SGCZ: variants seen among roughly 807,000 people sequenced by gnomAD.
The protein encoded by SGCZ is zeta-sarcoglycan.
In SGCZ, 40 loss-of-function variants were observed where a neutral mutation model predicts 41.3. That is an observed-to-expected ratio of 0.97 (90% CI 0.75 to 1.26). The LOEUF is 1.26. Ranked by LOEUF, SGCZ falls within the 50% of genes most tolerant of loss-of-function variation. SGCZ has a pLI of 0.00. For missense variants in SGCZ, 552 were observed against 369.8 expected, an observed-to-expected ratio of 1.49 and a Z score of -4.04; for synonymous variants, 206 against 137.5, an observed-to-expected ratio of 1.50 and a Z score of -3.49.
intron 1 of SGCZ, among the ~76,000 whole-genome samples, chr8:14,896,078 G>A (rs1054195022): frequency 7.2e-5 from 11 of 152,128 alleles, no homozygotes; most frequent in Non-Finnish European, 7.3e-5. Flanking sequence ...AAAATTACAG[G>A]TCATTAAAAT....
chr8:14,340,919 T>C (rs1288040663), intron 2 of SGCZ, among the ~76,000 whole-genome samples: 1 of 152,138 alleles, frequency 6.6e-6, no homozygotes, highest in Admixed American at 6.5e-5. Context: ...TAAGACATTA[T>C]ACCCATTAAA....
intron 1 of SGCZ, among the ~76,000 whole-genome samples, chr8:14,743,235 T>A (rs916922512): frequency 2.6e-5 from 4 of 152,098 alleles, no homozygotes; most frequent in Non-Finnish European, 5.9e-5. Flanking sequence ...TCATTGATGA[T>A]ATTCTTATTA....
chr8:15,231,610 CTTTTTTTT>C (rs914572473), intron 1 of SGCZ, among the ~76,000 whole-genome samples: 12 of 72,100 alleles, frequency 1.7e-4, no homozygotes, highest in African/African-American at 5.4e-4. Context: ...TTAATATATT[CTTTTTTTT>C]TTTTTTTTTT....
intron 4 of SGCZ, among the ~76,000 whole-genome samples, chr8:14,183,223 A>C (rs1021946576): frequency 2.0e-5 from 3 of 152,082 alleles, no homozygotes; most frequent in Non-Finnish European, 4.4e-5. Context: ...CTTAATCAGA[A>C]ATAGAAAACC....
chr8:14,325,381 G>T (rs1012428844), intron 2 of SGCZ, among the ~76,000 whole-genome samples: 2 of 151,378 alleles, frequency 1.3e-5, no homozygotes, highest in Non-Finnish European at 2.9e-5. Context: ...TTTAAAAACT[G>T]AAATAGTAAA....
At chr8:14,219,023 G>T (rs1401665981) in intron 4 of SGCZ, among the ~76,000 whole-genome samples, 1 of 152,244 alleles carries the variant, frequency 6.6e-6, no homozygotes, top group African/African-American at 2.4e-5. Context: ...AGGTGAAAAA[G>T]CTTGATAAGT....
chr8:14,145,865 G>A (rs547925076), intron 5 of SGCZ, among the ~76,000 whole-genome samples: 26 of 152,178 alleles, frequency 1.7e-4, no homozygotes, highest in African/African-American at 6.3e-4. Flanking sequence ...GGAAGAATTA[G>A]CTCTAAGACA....
chr8:14,299,563 A>C (rs1288666770), intron 3 of SGCZ, among the ~76,000 whole-genome samples: 1 of 151,988 alleles, frequency 6.6e-6, no homozygotes, highest in Non-Finnish European at 1.5e-5. Flanking sequence ...AAGAGTGCTC[A>C]ACATCATTTG....
At chr8:15,075,816 TA>T (rs1805509038) in intron 1 of SGCZ, among the ~76,000 whole-genome samples, 1 of 152,206 alleles carries the variant, frequency 6.6e-6, no homozygotes, top group African/African-American at 2.4e-5. Context: ...CTATGAAGTC[TA>T]ATTTGCTCAA....
intron 1 of SGCZ, among the ~76,000 whole-genome samples, chr8:14,958,326 A>C (rs3848996): frequency 1.1e-4 from 16 of 152,024 alleles, no homozygotes; most frequent in African/African-American, 3.6e-4. Flanking sequence ...AAATTCCCCA[A>C]AAACAGAAAC....
intron 2 of SGCZ, among the ~76,000 whole-genome samples, chr8:14,357,226 G>C (rs1803332474): frequency 6.6e-6 from 1 of 152,106 alleles, no homozygotes; most frequent in Admixed American, 6.5e-5. Context: ...AATCTCATCA[G>C]TGTTTGATCA....
At position 14,632,572 on chromosome 8, in the gene SGCZ, G is replaced by C. The variant is rs565085095; in HGVS notation, c.40-77646C>G. Reference sequence around the variant, plus strand: ...AGATAGCACTAAGAAAAAATAAATTGAAAGAATTCATCTAAAAACAATTCT... The same window carrying C: ...AGATAGCACTAAGAAAAAATAAATTCAAAGAATTCATCTAAAAACAATTCT... On this transcript the variant is annotated intron_variant, in intron 1 of 7. Coordinates refer to ENST00000382080, the MANE Select transcript of SGCZ (RefSeq NM_139167.4). 1.4e-3 allele frequency among the ~76,000 whole-genome samples: 205 copies of C among 151,752 alleles called. 3 individuals are homozygous for C. Among genetic ancestry groups the C allele is most frequent in the Non-Finnish European group, 2.4e-3 (161 of 67,976 alleles).
chr8:14,350,694 C>G (rs1306087920), intron 2 of SGCZ, among the ~76,000 whole-genome samples: 1 of 152,048 alleles, frequency 6.6e-6, no homozygotes, highest in African/African-American at 2.4e-5. Flanking sequence ...CATGACAGTT[C>G]AGCCTCTCCC....
intron 3 of SGCZ, among the ~76,000 whole-genome samples, chr8:14,310,947 G>C (rs751805564): frequency 6.6e-6 from 1 of 152,034 alleles, no homozygotes; most frequent in Non-Finnish European, 1.5e-5. Flanking sequence ...TGTGTACCCC[G>C]TGGAAAATCT....
At chr8:15,166,708 T>A (rs1799676372) in intron 1 of SGCZ, among the ~76,000 whole-genome samples, 1 of 152,242 alleles carries the variant, frequency 6.6e-6, no homozygotes, top group Admixed American at 6.5e-5. Context: ...CCAAACTTAT[T>A]TGTCAATTGT....
At chr8:14,433,148 A>G (rs900498988) in intron 2 of SGCZ, among the ~76,000 whole-genome samples, 2 of 152,200 alleles carry the variant, frequency 1.3e-5, no homozygotes, top group Non-Finnish European at 1.5e-5. Context: ...TTCTTATTAC[A>G]ATTAGTATGC....
chr8:14,490,857 C>T (rs1233905442), intron 2 of SGCZ, among the ~76,000 whole-genome samples: 2 of 152,054 alleles, frequency 1.3e-5, no homozygotes, highest in Non-Finnish European at 2.9e-5. Context: ...ATTCTTGAGA[C>T]AGAAAAGTGG....
At chr8:14,775,909 C>G (rs555272478) in intron 1 of SGCZ, among the ~76,000 whole-genome samples, 1 of 152,138 alleles carries the variant, frequency 6.6e-6, no homozygotes, top group East Asian at 1.9e-4. Context: ...AAAACAGATG[C>G]CTGTGACTGG....
At chr8:15,204,814 G>A (rs1000576750) in intron 1 of SGCZ, among the ~76,000 whole-genome samples, 1 of 152,040 alleles carries the variant, frequency 6.6e-6, no homozygotes, top group African/African-American at 2.4e-5. Context: ...GCATTTAATT[G>A]TTTAACTACC....
Sources: allele counts gnomAD v4.1 joint callset (sites outside exome capture counted in the v4.1 genomes callset), GRCh38; gene constraint gnomAD v4.1.1; transcripts MANE v1.5; gene names NCBI Gene and HGNC (gene_info 2026-07-23, HGNC 2026-07-21).